Variants in RILPL1 observed in about 807,000 individuals in gnomAD.
RILPL1 encodes the protein RILP-like protein 1.
RILPL1 carries 33 observed loss-of-function variants against 50.3 expected under a neutral mutation model. That is an observed-to-expected ratio of 0.66 (90% confidence interval 0.50 to 0.88). RILPL1 has a LOEUF of 0.88. Ranked by LOEUF, RILPL1 falls within the 40% of genes least tolerant of loss-of-function variation. The pLI, the probability that RILPL1 is intolerant of heterozygous loss-of-function variation, is 0.00. For missense variants in RILPL1, 418 were observed against 542.5 expected (o/e 0.77, Z 2.28); for synonymous variants, 205 against 228.6 (o/e 0.90, Z 0.93).
Position 123,485,509 on chromosome 12 carries a change from G to A in RILPL1, c.974+124C>T, listed in dbSNP as rs767425726. The A allele has an allele frequency of 4.1e-4, 365 of 892,248 alleles. 1 individual carries two copies. Among genetic ancestry groups the A allele is most frequent in the Non-Finnish European group, 5.8e-4 (337 of 581,432 alleles). The allele number at this position is 892,248 out of a possible 1,614,324, so 55.3% of individuals were successfully genotyped here. Reference sequence around the variant, plus strand: ...GTATGTAAGTTCTTTAGGCCAGAGAGGGTACCCAAAAAAAACACTGATGAA... The same window carrying A: ...GTATGTAAGTTCTTTAGGCCAGAGAAGGTACCCAAAAAAAACACTGATGAA... On this transcript the variant is annotated intron_variant, in intron 5 of 6. Transcript: ENST00000376874. This position sits in a 1 kb window ranked among gnomAD's most constrained non-coding sequence, Gnocchi z 4.0.
chr12:123,521,875 C>T (rs1489534943), intron 2 of RILPL1, among the ~76,000 whole-genome samples: 1 of 151,536 alleles, frequency 6.6e-6, no homozygotes, highest in African/African-American at 2.4e-5. Flanking sequence ...TGGGTTCAAG[C>T]GAATCTCCTG....
At chr12:123,477,106 A>G (rs1343428428) in intron 6 of RILPL1, among the ~76,000 whole-genome samples, 2 of 152,200 alleles carry the variant, frequency 1.3e-5, no homozygotes, top group Non-Finnish European at 2.9e-5. Context: ...AGCCCACGGT[A>G]AGTAAATGCT....
At chr12:123,481,016 T>C (rs2139312238) in intron 6 of RILPL1, among the ~76,000 whole-genome samples, 1 of 152,182 alleles carries the variant, frequency 6.6e-6, no homozygotes, top group East Asian at 1.9e-4. Context: ...CTGTGACTGA[T>C]GGAAATCTTG....
At chr12:123,477,756 G>C (rs1242643900) in intron 6 of RILPL1, among the ~76,000 whole-genome samples, 1 of 152,058 alleles carries the variant, frequency 6.6e-6, no homozygotes, top group African/African-American at 2.4e-5. Flanking sequence ...CTTTCCAGGG[G>C]CTCCAAGCAA....
intron 2 of RILPL1, among the ~76,000 whole-genome samples, chr12:123,506,234 T>A (rs532601838): frequency 6.6e-6 from 1 of 151,942 alleles, no homozygotes; most frequent in East Asian, 1.9e-4. Flanking sequence ...CGGCAGTGAG[T>A]GCAAAGGCCC....
At chr12:123,499,375 A>G (rs997925012) in intron 3 of RILPL1, 43 bp downstream of exon 3, 7 of 1,400,916 alleles carry the variant, frequency 5.0e-6, no homozygotes, top group Non-Finnish European at 7.1e-6. Context: ...GCTGGCACCT[A>G]CTGGCTGGGA....
At chr12:123,480,712 C>T (rs1287212402) in intron 6 of RILPL1, among the ~76,000 whole-genome samples, 1 of 152,018 alleles carries the variant, frequency 6.6e-6, no homozygotes, top group Non-Finnish European at 1.5e-5. Context: ...TCCTACCAAG[C>T]ACTGCATGAG....
intron 2 of RILPL1, among the ~76,000 whole-genome samples, chr12:123,509,718 G>A (rs1424704485): frequency 2.0e-5 from 3 of 152,188 alleles, no homozygotes; most frequent in Non-Finnish European, 4.4e-5. Flanking sequence ...GACCACAGAC[G>A]TGGACGTCGT....
At chr12:123,476,618 C>G (rs1442233292) in intron 6 of RILPL1, among the ~76,000 whole-genome samples, 1 of 152,020 alleles carries the variant, frequency 6.6e-6, no homozygotes, top group African/African-American at 2.4e-5. Context: ...GAGGCTTCTG[C>G]AGGCCAAGGA....
At chr12:123,514,954 AG>A (rs1372519545) in intron 2 of RILPL1, among the ~76,000 whole-genome samples, 6 of 151,036 alleles carry the variant, frequency 4.0e-5, no homozygotes, top group Admixed American at 1.3e-4. Flanking sequence ...TTTAAGAGAC[AG>A]GGTCTTGCTC....
At chr12:123,506,954 A>C (rs1883787160) in intron 2 of RILPL1, among the ~76,000 whole-genome samples, 1 of 152,166 alleles carries the variant, frequency 6.6e-6, no homozygotes, top group Non-Finnish European at 1.5e-5. Context: ...CTAAGACCCC[A>C]CAGAGACGTC....
chr12:123,517,213 C>T (rs1014619855), intron 2 of RILPL1, among the ~76,000 whole-genome samples: 3 of 152,134 alleles, frequency 2.0e-5, no homozygotes, highest in Non-Finnish European at 4.4e-5. Context: ...CGACAGCCCC[C>T]AGAGGCAAGG....
Position 123,522,898 on chromosome 12 carries a change from C to T in RILPL1, c.460+597G>A, listed in dbSNP as rs903374312. On this transcript the variant is annotated intron_variant, in intron 2 of 6. Transcript: ENST00000376874. The surrounding 1 kb of genome is among the most constrained non-coding windows in gnomAD (Gnocchi z 4.0). ...GTGAGCCACTGCGCGCGGCCTACAC[C>T]GGCCTTCTTGGTTTCCCCCAAATGC... Among the ~76,000 whole-genome samples the T allele has an allele frequency of 6.6e-5, 10 of 152,204 alleles. No individual in the cohort carries two copies. Among genetic ancestry groups the T allele is most frequent in the African/African-American group, 1.4e-4 (6 of 41,442 alleles).
At chr12:123,518,331 C>A in intron 2 of RILPL1, 1 of 425,364 alleles carries the variant, frequency 2.4e-6, no homozygotes, top group Non-Finnish European at 4.7e-6. Context: ...TAGTGAGACC[C>A]CCGTCTCTAC....
chr12:123,508,965 C>T (rs1385783257), intron 2 of RILPL1, among the ~76,000 whole-genome samples: 1 of 152,060 alleles, frequency 6.6e-6, no homozygotes, highest in Non-Finnish European at 1.5e-5. Flanking sequence ...GAGGGCGGAT[C>T]ACTTGAGGTC....
chr12:123,485,651 TC>T lies in RILPL1; in HGVS notation c.955del (p.Glu319SerfsTer123), dbSNP rs1882275680. On this transcript the variant is annotated frameshift_variant, in exon 5 of 7. Coordinates refer to ENST00000376874, the MANE Select transcript of RILPL1 (RefSeq NM_178314.5). LOFTEE classifies it high-confidence loss of function. This position sits in a 1 kb window ranked among gnomAD's most constrained non-coding sequence, Gnocchi z 4.0. ...LKSKVFLLQEELAYYKSEEME... is the reference protein window; with the variant it reads ...LKSKVFLLQEXLAYYKSEEME... ...CACTTGCCTCTTATAGTAAGCCAGC[TC>T]CTCCTGCAGCAAGAACACCTTGGAC... 1 of 1,613,544 alleles carries T rather than the reference TC, an allele frequency of 6.2e-7. No homozygotes were observed. The highest frequency in any genetic ancestry group is 1.3e-5 in the African/African-American group (1 of 74,902).
At chr12:123,495,713 C>T (rs1317085720) in intron 4 of RILPL1, among the ~76,000 whole-genome samples, 1 of 140,182 alleles carries the variant, frequency 7.1e-6, no homozygotes, top group East Asian at 2.1e-4. Context: ...CAGAGTCTCG[C>T]TCCGTTGCCC....
intron 2 of RILPL1, among the ~76,000 whole-genome samples, chr12:123,521,191 C>T (rs1884987825): frequency 6.6e-6 from 1 of 152,042 alleles, no homozygotes; most frequent in Admixed American, 6.6e-5. Flanking sequence ...GCGGTCTGTA[C>T]AGATTCATTG....
intron 1 of RILPL1, among the ~76,000 whole-genome samples, chr12:123,526,920 C>T (rs1885282727): frequency 6.6e-6 from 1 of 152,172 alleles, no homozygotes; most frequent in Admixed American, 6.6e-5. Context: ...CAGAGAATAT[C>T]AGTCAAGTGT....
Sources: gnomAD v4.1 joint callset for allele counts (sites outside exome capture counted in the v4.1 genomes callset) on GRCh38, gnomAD v4.1.1 for gene constraint, Gnocchi (gnomAD v3.1) non-coding constraint, MANE v1.5 for transcripts, NCBI Gene and HGNC (gene_info 2026-07-23, HGNC 2026-07-21) for gene names.